Variants in UBE2Z observed in about 807,000 individuals in gnomAD.
UBE2Z encodes ubiquitin-conjugating enzyme E2 Z.
Under a neutral mutation model 32.6 loss-of-function variants are expected in UBE2Z, and 10 were observed. The observed-to-expected ratio is 0.31, with a 90% CI of 0.19 to 0.52. The LOEUF is 0.52. Ranked by LOEUF, UBE2Z falls within the 20% of genes least tolerant of loss-of-function variation. The pLI is 0.97. For synonymous variants in UBE2Z, 183 were observed against 190.8 expected (o/e 0.96, Z 0.34); for missense variants, 343 against 480.9 (o/e 0.71, Z 2.68).
At chr17:48,909,448 C>T (rs2040659218) in intron 1 of UBE2Z, among the ~76,000 whole-genome samples, 1 of 151,950 alleles carries the variant, frequency 6.6e-6, no homozygotes, top group Non-Finnish European at 1.5e-5. Context: ...ACTCTTACGC[C>T]TCTTCCAGAA....
intron 5 of UBE2Z, among the ~76,000 whole-genome samples, chr17:48,922,335 C>T (rs912487949): frequency 6.6e-6 from 1 of 150,412 alleles, no homozygotes; most frequent in African/African-American, 2.4e-5. Flanking sequence ...TGCAGTGAGC[C>T]GAGATTGCGC....
At chr17:48,918,077 C>CG (rs746368975) in intron 4 of UBE2Z, among the ~76,000 whole-genome samples, 5 of 151,972 alleles carry the variant, frequency 3.3e-5, no homozygotes, top group Non-Finnish European at 7.4e-5. Flanking sequence ...GCTGGGATTA[C>CG]GGGCACGCAC....
At chr17:48,915,805 T>TGTA (rs1230259559) in intron 3 of UBE2Z, 2 of 371,380 alleles carry the variant, frequency 5.4e-6, no homozygotes, top group Non-Finnish European at 9.6e-6. Context: ...TTGTCGTAAC[T>TGTA]GTTTCTAGTA....
chr17:48,910,628 G>A (rs897897631), intron 1 of UBE2Z, 180 bp from the exon 2 acceptor site: 5 of 516,326 alleles, frequency 9.7e-6, no homozygotes, highest in Non-Finnish European at 1.8e-5. Context: ...CTCTCTGCCT[G>A]CCTGACAAGT....
chr17:48,914,189 T>C (rs2040702756), intron 3 of UBE2Z, among the ~76,000 whole-genome samples: 1 of 152,202 alleles, frequency 6.6e-6, no homozygotes, highest in South Asian at 2.1e-4. Flanking sequence ...AAACTCAGTG[T>C]GGACATCTTC....
intron 6 of UBE2Z, 119 bp from the exon 7 acceptor site, chr17:48,926,845 C>A: frequency 8.8e-7 from 1 of 1,133,564 alleles, no homozygotes; most frequent in Non-Finnish European, 1.2e-6. Context: ...TGCTGTTAGG[C>A]CTTCCTGCTC....
chr17:48,919,928 C>T (rs1486092948), intron 4 of UBE2Z, among the ~76,000 whole-genome samples: 1 of 152,102 alleles, frequency 6.6e-6, no homozygotes, highest in South Asian at 2.1e-4. Flanking sequence ...CCTTTTTGTC[C>T]CACCATCATT....
intron 3 of UBE2Z, 185 bp from the exon 4 acceptor site, chr17:48,915,891 G>T: frequency 2.8e-6 from 1 of 357,172 alleles, no homozygotes; most frequent in Non-Finnish European, 4.9e-6. Context: ...TTGAGGATTA[G>T]GCAATTGACT....
chr17:48,913,083 T>C (rs1210994579), intron 3 of UBE2Z, 62 bp downstream of exon 3: 2 of 1,528,532 alleles, frequency 1.3e-6, no homozygotes, highest in Non-Finnish European at 1.8e-6. Flanking sequence ...TAGGTCAGCC[T>C]TTATCAACCG....
intron 3 of UBE2Z, among the ~76,000 whole-genome samples, chr17:48,913,439 C>G (rs318092): frequency 1.3e-5 from 2 of 152,026 alleles, no homozygotes; most frequent in Non-Finnish European, 2.9e-5. Flanking sequence ...ACTGCAACCT[C>G]TGCCTCCCAG....
chr17:48,908,528 G>T lies in UBE2Z; in HGVS notation c.25G>T (p.Ala9Ser). The change falls in exon 1 of 7, where the codon GCG (alanine) becomes TCG (serine). Residue 9 changes from alanine (A) to serine (S), a missense_variant. Around this residue, in one of 4 missense-constraint regions of UBE2Z, gnomAD observed 103 missense variants for 96.2 expected, o/e 1.07. Coordinates refer to ENST00000360943, the MANE Select transcript of UBE2Z (RefSeq NM_023079.5). MAESPTEE[A>S]ATAGAGAAGP... ...GATGGCGGAGAGTCCGACTGAGGAG[G>T]CGGCAACGGCGGGCGCCGGGGCGGC... 1 of 1,237,236 alleles carries T rather than the reference G, an allele frequency of 8.1e-7. No homozygotes were observed. The allele number at this position is 1,237,236 out of a possible 1,614,324, so 76.6% of individuals were successfully genotyped here.
chr17:48,913,039 A>G lies in UBE2Z; in HGVS notation c.578+18A>G. On this transcript the variant is annotated intron_variant, in intron 3 of 6. Transcript: ENST00000360943. ...ATTCTAGGGTAAGAGGAGACTTTTA[A>G]GTAGCCAAGTCGGTTGTTAGCAGAT... The G allele has an allele frequency of 6.2e-7, 1 of 1,610,238 alleles. No individual in the cohort carries two copies. The highest frequency in any genetic ancestry group is 8.5e-7 in the Non-Finnish European group (1 of 1,176,758).
intron 2 of UBE2Z, 69 bp from the exon 3 acceptor site, chr17:48,912,765 G>A: frequency 6.4e-7 from 1 of 1,565,142 alleles, no homozygotes; most frequent in East Asian, 2.2e-5. Context: ...GGTAGTAGGT[G>A]GAGGGTAGCC....
At position 48,912,837 on chromosome 17, in the gene UBE2Z, C is replaced by G; in HGVS notation, c.394C>G (p.His132Asp). The G allele has an allele frequency of 1.9e-6, 3 of 1,613,776 alleles. No individual in the cohort carries two copies. The highest frequency in any genetic ancestry group is 1.3e-5 in the African/African-American group (1 of 74,962). ...GAGATGGGGTTTTATTTTGCAGATT[C>G]ATGCATTGATCACAGGCCCATTTGA... Reference protein sequence around the residue: ...VPDTVDMTKIHALITGPFDTP... With the variant: ...VPDTVDMTKIDALITGPFDTP... The change falls in exon 3 of 7, where the codon CAT becomes GAT. Residue 132 changes from histidine (H) to aspartate (D), a missense_variant. His to Asp is a moderately conservative substitution (Grantham distance 81). This residue lies in a region of UBE2Z where 182 missense variants were observed against 312.4 expected (regional missense o/e 0.58). Coordinates refer to ENST00000360943, the MANE Select transcript of UBE2Z (RefSeq NM_023079.5).
At position 48,916,046 on chromosome 17, in the gene UBE2Z, C is replaced by T. The variant is rs370145378; in HGVS notation, c.579-30C>T. 75 of 1,505,036 alleles carry T rather than the reference C, an allele frequency of 5.0e-5. 1 individual carries two copies. The highest frequency in any genetic ancestry group is 6.6e-5 in the Non-Finnish European group (73 of 1,104,746). The allele number at this position is 1,505,036 out of a possible 1,614,324, so 93.2% of individuals were successfully genotyped here. On this transcript the variant is annotated intron_variant, in intron 3 of 6. Coordinates refer to ENST00000360943, the MANE Select transcript of UBE2Z (RefSeq NM_023079.5). The stretch of plus-strand genomic sequence containing the variant: ...CTTGTTCCCTATTCTTTCTCTGCCT[C>T]ACCCTCCATTCCTTCTGATGTGTTT...
intron 3 of UBE2Z, among the ~76,000 whole-genome samples, chr17:48,914,725 C>T (rs2040707430): frequency 1.3e-5 from 2 of 152,114 alleles, no homozygotes; most frequent in Admixed American, 1.3e-4. Flanking sequence ...CATAAAGAAT[C>T]ACAGAGTAGA....
At chr17:48,912,539 G>T in intron 2 of UBE2Z, 1 of 357,016 alleles carries the variant, frequency 2.8e-6, no homozygotes, top group Non-Finnish European at 5.2e-6. Context: ...CTTTAAGAGA[G>T]TTTTAGGGGA....
chr17:48,922,643 T>G (rs1447854226), intron 5 of UBE2Z, among the ~76,000 whole-genome samples: 1 of 151,958 alleles, frequency 6.6e-6, no homozygotes, highest in African/African-American at 2.4e-5. Flanking sequence ...GGCATATGCC[T>G]GTAATCCCAG....
rs554352032 is a variant in UBE2Z at position 48,921,377 on chromosome 17, G to GGAAA, written c.803+108_803+111dup. Reference sequence around the variant, plus strand: ...GGTACCAGAGGGAGATAGAGAAGAAGGAAAGATGTGGTTCCTGCTTTTAAA... The same window carrying GGAAA: ...GGTACCAGAGGGAGATAGAGAAGAAGGAAAGAAAGATGTGGTTCCTGCTTTTAAA... On this transcript the variant is annotated intron_variant, in intron 5 of 6. Coordinates refer to ENST00000360943, the MANE Select transcript of UBE2Z (RefSeq NM_023079.5). 423 of 836,776 alleles carry GGAAA rather than the reference G, an allele frequency of 5.1e-4. 1 individual carries two copies. In the African/African-American group the frequency reaches 6.7e-3, roughly 13 times the overall value. The allele number at this position is 836,776 out of a possible 1,614,324, so 51.8% of individuals were successfully genotyped here.
Sources: allele counts gnomAD v4.1 joint callset (sites outside exome capture counted in the v4.1 genomes callset), GRCh38; gene constraint gnomAD v4.1.1; regional missense constraint gnomAD v4.1.1; transcripts MANE v1.5; gene names NCBI Gene and HGNC (gene_info 2026-07-23, HGNC 2026-07-21).